GLI2: variants seen among roughly 807,000 people sequenced by gnomAD.
The protein encoded by GLI2 is transcription activator GLI2.
GLI2 carries 22 observed loss-of-function variants against 78.9 expected under a neutral mutation model. That is an observed-to-expected ratio of 0.28 (90% CI 0.20 to 0.40). GLI2 has a LOEUF of 0.40. GLI2 is among the 10% of genes least tolerant of loss of function. The pLI, the probability that GLI2 is intolerant of heterozygous loss-of-function variation, is 1.00. For missense variants in GLI2, 2,097 were observed against 2,213.2 expected (o/e 0.95, Z 1.05); for synonymous variants, 974 against 963.7 (o/e 1.01, Z -0.20).
At chr2:120,798,455 A>AG (rs1473378178) in intron 2 of GLI2, among the ~76,000 whole-genome samples, 2 of 152,110 alleles carry the variant, frequency 1.3e-5, no homozygotes, top group Non-Finnish European at 2.9e-5. Context: ...AGACCCTCGG[A>AG]GGGGCTTAGG....
intron 3 of GLI2, among the ~76,000 whole-genome samples, chr2:120,930,558 C>T (rs888269299): frequency 1.3e-5 from 2 of 152,238 alleles, no homozygotes; most frequent in East Asian, 1.9e-4. Flanking sequence ...CTCGGCCCTT[C>T]GTTAGGGCAC....
At chr2:120,911,773 G>T (rs994275814) in intron 2 of GLI2, among the ~76,000 whole-genome samples, 23 of 151,944 alleles carry the variant, frequency 1.5e-4, no homozygotes, top group African/African-American at 5.3e-4. Context: ...AGGCAGGCTC[G>T]TGTGGACTGG....
At chr2:120,857,993 G>T (rs1687741513) in intron 2 of GLI2, among the ~76,000 whole-genome samples, 1 of 152,320 alleles carries the variant, frequency 6.6e-6, no homozygotes, top group South Asian at 2.1e-4. Flanking sequence ...AGCATCTTTT[G>T]TGGGTCGATG....
chr2:120,881,482 CGTG>C (rs1327081272), intron 2 of GLI2, among the ~76,000 whole-genome samples: 7 of 28,774 alleles, frequency 2.4e-4, no homozygotes, highest in African/African-American at 2.9e-4. Flanking sequence ...GGAGGACAGT[CGTG>C]GGGAAGACAG....
chr2:120,872,242 A>G (rs1283423789), intron 2 of GLI2, among the ~76,000 whole-genome samples: 1 of 152,188 alleles, frequency 6.6e-6, no homozygotes, highest in African/African-American at 2.4e-5. Context: ...CCATGAACTC[A>G]CTTTCAAGGT....
At chr2:120,987,170 C>A (rs191340796) in intron 13 of GLI2, among the ~76,000 whole-genome samples, 1 of 152,302 alleles carries the variant, frequency 6.6e-6, no homozygotes, top group East Asian at 1.9e-4. Context: ...AGGTGTTGGC[C>A]AGGCTCTGAG....
intron 1 of GLI2, among the ~76,000 whole-genome samples, chr2:120,760,563 C>T (rs1683184598): frequency 6.6e-6 from 1 of 152,152 alleles, no homozygotes; most frequent in Non-Finnish European, 1.5e-5. Flanking sequence ...GAGGTGACCA[C>T]ATTTGAATCA....
chr2:120,850,384 G>A (rs931113179), intron 2 of GLI2, among the ~76,000 whole-genome samples: 1 of 152,162 alleles, frequency 6.6e-6, no homozygotes, highest in Non-Finnish European at 1.5e-5. Context: ...CTACCCTTCC[G>A]ATCAACAGCA....
At chr2:120,903,274 T>G (rs2104788566) in intron 2 of GLI2, among the ~76,000 whole-genome samples, 1 of 152,120 alleles carries the variant, frequency 6.6e-6, no homozygotes, top group South Asian at 2.1e-4. Flanking sequence ...AAGAATTGCT[T>G]GAACCCAGGA....
chr2:120,952,105 A>G (rs962092233), intron 4 of GLI2, among the ~76,000 whole-genome samples: 2 of 152,248 alleles, frequency 1.3e-5, no homozygotes, highest in African/African-American at 4.8e-5. Flanking sequence ...CAACAGACAC[A>G]TGCAAACACA....
intron 2 of GLI2, among the ~76,000 whole-genome samples, chr2:120,838,784 C>T (rs1393658031): frequency 1.3e-5 from 2 of 152,198 alleles, no homozygotes; most frequent in Non-Finnish European, 2.9e-5. Flanking sequence ...CAAATCCTTA[C>T]CATTGTGTTA....
intron 2 of GLI2, among the ~76,000 whole-genome samples, chr2:120,850,840 C>T (rs1205310382): frequency 6.6e-6 from 1 of 152,154 alleles, no homozygotes; most frequent in African/African-American, 2.4e-5. Context: ...ATTGAGTTGT[C>T]CTCTGTATAA....
chr2:120,879,571 C>G (rs1677005120), intron 2 of GLI2, among the ~76,000 whole-genome samples: 1 of 152,148 alleles, frequency 6.6e-6, no homozygotes, highest in Non-Finnish European at 1.5e-5. Flanking sequence ...CGGATGGCAC[C>G]CCAGCCAGGC....
chr2:120,946,771 G>T (rs1050419247), intron 3 of GLI2, among the ~76,000 whole-genome samples: 1 of 152,188 alleles, frequency 6.6e-6, no homozygotes, highest in Non-Finnish European at 1.5e-5. Context: ...TGGGATGGGG[G>T]CAAGTGTCCA....
At chr2:120,977,219 G>A (rs992823599) in intron 9 of GLI2, among the ~76,000 whole-genome samples, 7 of 152,140 alleles carry the variant, frequency 4.6e-5, no homozygotes, top group Non-Finnish European at 8.8e-5. Context: ...ATGTCCAGCA[G>A]AACAATATTA....
At chr2:120,925,052 C>A (rs1679595720) in intron 2 of GLI2, among the ~76,000 whole-genome samples, 1 of 152,194 alleles carries the variant, frequency 6.6e-6, no homozygotes, top group Admixed American at 6.5e-5. Context: ...CTCAGGGTTC[C>A]CAGCCTCCGG....
chr2:120,972,526 C>G, intron 8 of GLI2: 2 of 451,562 alleles, frequency 4.4e-6, no homozygotes, highest in Non-Finnish European at 8.9e-6. Context: ...GACTGAGCTC[C>G]AGGCCCACAC....
At chr2:120,839,050 A>C (rs1240663874) in intron 2 of GLI2, among the ~76,000 whole-genome samples, 1 of 152,232 alleles carries the variant, frequency 6.6e-6, no homozygotes, top group East Asian at 1.9e-4. Context: ...TTCCATCAGC[A>C]GTGAGACTGA....
At chr2:120,857,945 G>A (rs781207020) in intron 2 of GLI2, among the ~76,000 whole-genome samples, 9 of 152,022 alleles carry the variant, frequency 5.9e-5, no homozygotes, top group South Asian at 4.1e-4. Flanking sequence ...TAATTCCCTC[G>A]CACCTTTCTT....
Sources: allele counts gnomAD v4.1 joint callset (sites outside exome capture counted in the v4.1 genomes callset), GRCh38; gene constraint gnomAD v4.1.1; transcripts MANE v1.5; gene names NCBI Gene and HGNC (gene_info 2026-07-23, HGNC 2026-07-21).